The following ABCG8 variants were observed in gnomAD, a reference collection of about 807,000 sequenced individuals.
ABCG8 encodes the protein ATP-binding cassette sub-family G member 8.
Under a neutral mutation model 71.3 loss-of-function variants are expected in ABCG8, and 81 were observed. The ratio of observed to expected loss-of-function variants is 1.14; its 90% CI spans 0.95 to 1.37. The LOEUF (loss-of-function observed/expected upper bound fraction) is 1.37, where lower values mean the gene tolerates loss of function less well. Among genes scored for constraint, ABCG8 ranks in the 40% most tolerant of loss-of-function variants. The probability of loss-of-function intolerance (pLI) is 0.00; values close to 1 mark genes in which losing one functional copy is unlikely to be tolerated. For missense variants in ABCG8, 1,119 were observed against 866.2 expected (o/e 1.29, Z -3.66); for synonymous variants, 451 against 354.7 (o/e 1.27, Z -3.05).
chr2:43,875,468 T>C (rs754560522), intron 11 of ABCG8, 55 bp downstream of exon 11: 68 of 1,583,568 alleles, frequency 4.3e-5, no homozygotes, highest in Non-Finnish European at 5.4e-5. Context: ...TGTGACTGGA[T>C]GAAGCCTGCT....
chr2:43,840,092 AC>A (rs1175604844), intron 1 of ABCG8, among the ~76,000 whole-genome samples: 1 of 152,196 alleles, frequency 6.6e-6, no homozygotes, highest in East Asian at 1.9e-4. Flanking sequence ...CCCCACTCCC[AC>A]CACCTCACCC....
chr2:43,867,619 C>G (rs72798812), intron 6 of ABCG8, among the ~76,000 whole-genome samples: 1 of 151,918 alleles, frequency 6.6e-6, no homozygotes. Flanking sequence ...TTCTCAATCT[C>G]TGCATAGAAC....
Position 43,873,777 on chromosome 2 carries a change from G to A in ABCG8, c.1212-10G>A. 1 of 1,613,942 alleles carries A rather than the reference G, an allele frequency of 6.2e-7. No individual in the cohort carries two copies. ...TGTTGCCTCAGCATCTCTTCCTTTT[G>A]GTTTTTAAGTCGTCAGATTTCCAAC... On this transcript the variant is annotated splice_polypyrimidine_tract_variant and intron_variant, in intron 8 of 12. Coordinates refer to ENST00000272286, the MANE Select transcript of ABCG8 (RefSeq NM_022437.3).
In ABCG8 at chr2:43,874,911, C is replaced by T. The variant is rs140077892; in HGVS notation, c.1489-235C>T. Among the ~76,000 whole-genome samples, 607 of 152,116 alleles carry T rather than the reference C, an allele frequency of 4.0e-3. 4 individuals carry two copies. The highest frequency in any genetic ancestry group is 0.031 in the Middle Eastern group (9 of 294). ...AAACCAGGTCTTAGGACAGCAGGTG[C>T]CCATTGCTGCCCTGGGGGAAACAGG... On this transcript the variant is annotated intron_variant, in intron 10 of 12. Coordinates refer to ENST00000272286, the MANE Select transcript of ABCG8 (RefSeq NM_022437.3).
rs552318645 is a variant in ABCG8 at position 43,851,529 on chromosome 2, C to T, written c.323-55C>T. The T allele has an allele frequency of 8.8e-6, 14 of 1,593,522 alleles. No homozygotes were observed. The South Asian group carries it at 1.5e-4, about 18-fold the overall frequency. ...AGAGTGTATGGGGAGCAGTGGCTGACAGCCTGGCCCCCACAGAAGCTCCGC... is the reference window on the plus strand; with the variant it reads ...AGAGTGTATGGGGAGCAGTGGCTGATAGCCTGGCCCCCACAGAAGCTCCGC... On this transcript the variant is annotated intron_variant, in intron 3 of 12. Transcript: ENST00000272286.
In ABCG8 at chr2:43,852,348, C is replaced by A; in HGVS notation, c.562-6C>A. The A allele has an allele frequency of 6.2e-7, 1 of 1,612,162 alleles. No homozygotes were observed. The highest frequency in any genetic ancestry group is 1.3e-5 in the African/African-American group (1 of 74,996). ...AGGTGGCCTCAAAGCTCCTTCTGGC[C>A]CACAGGTGGAGGACGTGATCGCGGA... On this transcript the variant is annotated splice_polypyrimidine_tract_variant and splice_region_variant and intron_variant, in intron 4 of 12. Coordinates refer to ENST00000272286, the MANE Select transcript of ABCG8 (RefSeq NM_022437.3).
intron 1 of ABCG8, among the ~76,000 whole-genome samples, chr2:43,842,703 G>C (rs1386499434): frequency 6.6e-6 from 1 of 151,978 alleles, no homozygotes; most frequent in Non-Finnish European, 1.5e-5. Context: ...CACTCCTACT[G>C]TGTCCCCTTT....
In ABCG8 at chr2:43,874,439, C is replaced by G. The variant is rs1412724487; in HGVS notation, c.1444C>G (p.Leu482Val). Residue 482 changes from leucine to valine, a missense_variant, in exon 10 of 13, where the codon CTG (leucine) becomes GTG (valine). Physicochemically the swap from Leu to Val is conservative, Grantham distance 32. Coordinates refer to ENST00000272286, the MANE Select transcript of ABCG8 (RefSeq NM_022437.3). ...YSERAMLYYE[L>V]EDGLYTTGPY... ...AGAGAGGGCAATGCTTTACTATGAA[C>G]TGGAAGACGGGCTGTACACCACTGG... The G allele has an allele frequency of 1.8e-5, 29 of 1,613,710 alleles. No homozygotes were observed. Among genetic ancestry groups the G allele is most frequent in the Non-Finnish European group, 2.5e-5 (29 of 1,179,820 alleles).
intron 3 of ABCG8, among the ~76,000 whole-genome samples, chr2:43,851,346 G>A (rs562582091): frequency 2.0e-4 from 31 of 152,318 alleles, no homozygotes; most frequent in African/African-American, 4.1e-4. Context: ...AACCCCCAGC[G>A]CCATCATGCC....
chr2:43,882,544 A>G lies in ABCG8; in HGVS notation c.*4631A>G, dbSNP rs1207382384. 1 of 152,260 alleles carries G rather than the reference A, an allele frequency of 6.6e-6. No homozygotes were observed. Among genetic ancestry groups the G allele is most frequent in the Non-Finnish European group, 1.5e-5 (1 of 68,052 alleles). 9.4% of individuals were successfully genotyped at this position (152,260 alleles called of 1,614,324 possible). On this transcript the variant is annotated 3_prime_UTR_variant, in exon 13 of 13. Transcript: ENST00000272286. ...ATCCAATGCTCACACCTGAGAGACA[A>G]CAGACATCCTTATTTGTGAATAGTC...
intron 6 of ABCG8, among the ~76,000 whole-genome samples, chr2:43,867,040 T>C (rs1669553602): frequency 6.6e-6 from 1 of 151,996 alleles, no homozygotes; most frequent in South Asian, 2.1e-4. Flanking sequence ...GTTCATGTCC[T>C]TTATAGGAAC....
chr2:43,844,678 T>A, intron 2 of ABCG8, 70 bp downstream of exon 2: 1 of 1,297,432 alleles, frequency 7.7e-7, no homozygotes, highest in Non-Finnish European at 1.1e-6. Flanking sequence ...CGGGTGGAAA[T>A]AAAAGGGTGG....
intron 6 of ABCG8, among the ~76,000 whole-genome samples, chr2:43,866,586 C>T (rs1478546092): frequency 6.6e-6 from 1 of 152,068 alleles, no homozygotes; most frequent in East Asian, 1.9e-4. Flanking sequence ...CCAAAAAACA[C>T]ATGAAAAAAT....
intron 6 of ABCG8, among the ~76,000 whole-genome samples, chr2:43,866,093 G>A (rs890340622): frequency 2.0e-5 from 3 of 152,020 alleles, no homozygotes; most frequent in Non-Finnish European, 4.4e-5. Context: ...AAGCAATGGG[G>A]AAAGGATTCC....
At chr2:43,851,252 C>A (rs1281375062) in intron 3 of ABCG8, among the ~76,000 whole-genome samples, 1 of 152,182 alleles carries the variant, frequency 6.6e-6, no homozygotes, top group Non-Finnish European at 1.5e-5. Context: ...CAGGAGGGGA[C>A]AAATGCTCCA....
intron 6 of ABCG8, among the ~76,000 whole-genome samples, chr2:43,856,044 C>G (rs1014409731): frequency 6.6e-6 from 1 of 151,852 alleles, no homozygotes; most frequent in Non-Finnish European, 1.5e-5. Context: ...CTGGATAGAA[C>G]TCTCACTTTC....
At chr2:43,845,593 T>C (rs914494049) in intron 2 of ABCG8, among the ~76,000 whole-genome samples, 1 of 152,218 alleles carries the variant, frequency 6.6e-6, no homozygotes, top group Non-Finnish European at 1.5e-5. Flanking sequence ...TTTTTATTTC[T>C]GTACCACTAT....
At chr2:43,866,017 A>G (rs1355414192) in intron 6 of ABCG8, among the ~76,000 whole-genome samples, 2 of 152,164 alleles carry the variant, frequency 1.3e-5, no homozygotes, top group Admixed American at 1.3e-4. Flanking sequence ...ATAGAACAGA[A>G]CAGAGCCCTC....
intron 1 of ABCG8, among the ~76,000 whole-genome samples, chr2:43,843,590 G>A (rs919308494): frequency 6.6e-6 from 1 of 152,036 alleles, no homozygotes; most frequent in Non-Finnish European, 1.5e-5. Context: ...AGAGGTTGAG[G>A]ATGCAGTGAG....
Sources: allele counts gnomAD v4.1 joint callset (sites outside exome capture counted in the v4.1 genomes callset), GRCh38; gene constraint gnomAD v4.1.1; transcripts MANE v1.5; gene names NCBI Gene and HGNC (gene_info 2026-07-23, HGNC 2026-07-21).